CLCN3: variants seen among roughly 807,000 people sequenced by gnomAD.
The protein encoded by CLCN3 is Cl-/H+ antiporter 3.
Under a neutral mutation model 83.4 loss-of-function variants are expected in CLCN3, and 16 were observed. That is an observed-to-expected ratio of 0.19 (90% CI 0.13 to 0.29). The LOEUF (loss-of-function observed/expected upper bound fraction) is 0.29, where lower values mean the gene tolerates loss of function less well. Among genes scored for constraint, CLCN3 ranks in the 10% least tolerant of loss-of-function variants. The probability of loss-of-function intolerance (pLI) is 1.00; values close to 1 mark genes in which losing one functional copy is unlikely to be tolerated. For missense variants in CLCN3, 544 were observed against 1,006.0 expected, an observed-to-expected ratio of 0.54 and a Z score of 6.21; for synonymous variants, 322 against 346.2, an observed-to-expected ratio of 0.93 and a Z score of 0.78.
At chr4:169,638,080 A>G (rs2150204007) in intron 2 of CLCN3, among the ~76,000 whole-genome samples, 1 of 152,216 alleles carries the variant, frequency 6.6e-6, no homozygotes, top group Non-Finnish European at 1.5e-5. Flanking sequence ...GTTTCAGACC[A>G]TCCTCTATTT....
chr4:169,674,234 A>G (rs934686517), intron 2 of CLCN3, among the ~76,000 whole-genome samples: 4 of 152,114 alleles, frequency 2.6e-5, no homozygotes, highest in African/African-American at 9.7e-5. Context: ...TACAATCCAT[A>G]TATTTTGCAG....
chr4:169,630,473 T>C lies in CLCN3; in HGVS notation c.-16-5440T>C, dbSNP rs189236831. Among the ~76,000 whole-genome samples the C allele has an allele frequency of 3.1e-3, 473 of 152,368 alleles. 1 individual carries two copies. The highest frequency in any genetic ancestry group is 0.031 in the Middle Eastern group (9 of 294). ...GCAAAGGACTTGATTTTATTCTTTT[T>C]ATGGCTGTGTAGTGTTCCATGGTGT... On this transcript the variant is annotated intron_variant, in intron 1 of 12. Transcript: ENST00000513761.
intron 12 of CLCN3, among the ~76,000 whole-genome samples, chr4:169,719,242 G>A (rs1733540425): frequency 6.6e-6 from 1 of 152,202 alleles, no homozygotes; most frequent in African/African-American, 2.4e-5. Flanking sequence ...CGGGACGGGT[G>A]GATCACAAGG....
intron 2 of CLCN3, among the ~76,000 whole-genome samples, chr4:169,643,895 A>G (rs1280540539): frequency 1.3e-5 from 2 of 152,192 alleles, no homozygotes; most frequent in Non-Finnish European, 2.9e-5. Context: ...GCAACAATAT[A>G]CTGTCAGTTG....
chr4:169,644,235 G>A (rs1730506048), intron 2 of CLCN3, among the ~76,000 whole-genome samples: 1 of 150,246 alleles, frequency 6.7e-6, no homozygotes, highest in African/African-American at 2.4e-5. Flanking sequence ...GCAAATTCAT[G>A]TTGATGAAAA....
At chr4:169,659,508 T>C (rs929854442) in intron 2 of CLCN3, among the ~76,000 whole-genome samples, 6 of 152,158 alleles carry the variant, frequency 3.9e-5, no homozygotes, top group Non-Finnish European at 7.4e-5. Flanking sequence ...TAAACCTCTT[T>C]TTTGCGTAGT....
At chr4:169,662,142 G>A (rs1226007900) in intron 2 of CLCN3, among the ~76,000 whole-genome samples, 1 of 152,054 alleles carries the variant, frequency 6.6e-6, no homozygotes, top group Non-Finnish European at 1.5e-5. Flanking sequence ...GTGAGAGTAG[G>A]CATGGTTACT....
At chr4:169,708,271 CTG>C (rs1467232323) in intron 11 of CLCN3, among the ~76,000 whole-genome samples, 1 of 151,980 alleles carries the variant, frequency 6.6e-6, no homozygotes, top group African/African-American at 2.4e-5. Flanking sequence ...TCAAATCAAA[CTG>C]GAAACTCTTT....
intron 2 of CLCN3, among the ~76,000 whole-genome samples, chr4:169,659,321 C>G (rs1377935740): frequency 6.6e-6 from 1 of 152,034 alleles, no homozygotes; most frequent in East Asian, 1.9e-4. Context: ...AAGAAAGTTG[C>G]TTTATTTCTG....
intron 2 of CLCN3, among the ~76,000 whole-genome samples, chr4:169,677,441 G>A (rs1340595810): frequency 2.6e-5 from 4 of 152,208 alleles, no homozygotes; most frequent in Non-Finnish European, 4.4e-5. Context: ...TGTTGCAACT[G>A]TGTGGCATCC....
At chr4:169,633,906 G>C (rs117811490) in intron 1 of CLCN3, among the ~76,000 whole-genome samples, 1 of 151,998 alleles carries the variant, frequency 6.6e-6, no homozygotes, top group Non-Finnish European at 1.5e-5. Context: ...GCTGGCTGCT[G>C]CATCAGTCAG....
intron 9 of CLCN3, among the ~76,000 whole-genome samples, chr4:169,700,439 G>T (rs998019318): frequency 6.6e-6 from 1 of 152,028 alleles, no homozygotes; most frequent in African/African-American, 2.4e-5. Flanking sequence ...TGTGTTTTTA[G>T]TAGAGATGTG....
chr4:169,677,352 G>A (rs1458126881), intron 2 of CLCN3, among the ~76,000 whole-genome samples: 2 of 152,154 alleles, frequency 1.3e-5, no homozygotes, highest in African/African-American at 4.8e-5. Context: ...TGTAAATAAA[G>A]TTTTATCAGA....
chr4:169,688,977 C>A, intron 4 of CLCN3, 66 bp from the exon 5 acceptor site: 2 of 1,399,792 alleles, frequency 1.4e-6, no homozygotes, highest in Non-Finnish European at 2.0e-6. Flanking sequence ...TGCCTTTTAA[C>A]TAGATTGTTC....
In CLCN3 at chr4:169,707,026, A is replaced by G; in HGVS notation, c.1909A>G (p.Asn637Asp). 6.2e-7 allele frequency: 1 copy of G among 1,614,176 alleles called. No homozygotes were observed. The change falls in exon 11 of 13, where the codon AAT (asparagine) becomes GAT (aspartate). Residue 637 changes from asparagine to aspartate, a missense_variant. Asn to Asp is a conservative substitution (Grantham distance 23, BLOSUM62 1). This residue lies in a region of CLCN3 where 27 missense variants were observed against 100.2 expected (regional missense o/e 0.27). Coordinates refer to ENST00000513761, the MANE Select transcript of CLCN3 (RefSeq NM_001829.4). Reference sequence around the variant, plus strand: ...CATTTATGAAGCACACATCCGATTAAATGGATACCCTTTCTTGGATGCAAA... The same window carrying G: ...CATTTATGAAGCACACATCCGATTAGATGGATACCCTTTCTTGGATGCAAA... The part of the protein sequence containing the change: ...EGIYEAHIRL[N>D]GYPFLDAKEE...
Position 169,629,529 on chromosome 4 carries a change from C to G in CLCN3, c.-16-6384C>G, listed in dbSNP as rs189968559. Among the ~76,000 whole-genome samples, 1,023 of 152,154 alleles carry G rather than the reference C, an allele frequency of 6.7e-3. 12 individuals carry two copies. Among genetic ancestry groups the G allele is most frequent in the Non-Finnish European group, 7.2e-3 (488 of 68,006 alleles). On this transcript the variant is annotated intron_variant, in intron 1 of 12. Transcript: ENST00000513761. ...GGGATTACAGGCACTCACCACTATG[C>G]CCGGCTAATTTTTGTATTTTTAGTA... is the stretch of plus-strand genomic sequence containing the variant.
chr4:169,688,130 T>C (rs543411754), intron 4 of CLCN3, among the ~76,000 whole-genome samples: 36 of 152,342 alleles, frequency 2.4e-4, no homozygotes, highest in African/African-American at 7.7e-4. Context: ...TATTTAAACC[T>C]CACCGGAATC....
chr4:169,670,479 G>T (rs1185007281), intron 2 of CLCN3, among the ~76,000 whole-genome samples: 2 of 152,108 alleles, frequency 1.3e-5, no homozygotes, highest in African/African-American at 4.8e-5. Context: ...GTCTGTATAT[G>T]TGTTTTGGTA....
At chr4:169,638,280 T>A (rs146143099) in intron 2 of CLCN3, among the ~76,000 whole-genome samples, 70 of 152,278 alleles carry the variant, frequency 4.6e-4, no homozygotes, top group African/African-American at 1.5e-3. Context: ...CAGAATACTT[T>A]ACCTCTTTTT....
Sources: gnomAD v4.1 joint callset for allele counts (sites outside exome capture counted in the v4.1 genomes callset) on GRCh38, gnomAD v4.1.1 for gene constraint, gnomAD v4.1.1 regional missense constraint, MANE v1.5 for transcripts, NCBI Gene and HGNC (gene_info 2026-07-23, HGNC 2026-07-21) for gene names.